Variants in NEBL observed in about 807,000 individuals in gnomAD.
NEBL encodes the protein LIM and SH3 protein 2.
NEBL carries 122 observed loss-of-function variants against 140.2 expected under a neutral mutation model. The observed-to-expected ratio is 0.87, with a 90% CI of 0.75 to 1.01. The LOEUF (loss-of-function observed/expected upper bound fraction) is 1.01, where lower values mean the gene tolerates loss of function less well. Among genes scored for constraint, NEBL ranks in the 50% least tolerant of loss-of-function variants. NEBL has a pLI of 0.00. For synonymous variants in NEBL, 436 were observed against 398.9 expected (o/e 1.09, Z -1.11); for missense variants, 1,365 against 1,231.3 (o/e 1.11, Z -1.62).
chr10:20,897,813 AC>A (rs1424465484), upstream of NEBL, among the ~76,000 whole-genome samples: 8 of 152,344 alleles, frequency 5.3e-5, no homozygotes, highest in East Asian at 1.5e-3. Flanking sequence ...ATTAGAGGCT[AC>A]TTATTTATTA....
At chr10:20,984,229 T>C (rs1034763558) in intron 3 of NEBL, among the ~76,000 whole-genome samples, 11 of 152,054 alleles carry the variant, frequency 7.2e-5, no homozygotes, top group Non-Finnish European at 1.2e-4. Context: ...GTATGCTACA[T>C]TGATTTCCAC....
In NEBL at chr10:20,831,507, T is replaced by C; in HGVS notation, c.1526A>G (p.Gln509Arg). 5 of 1,612,368 alleles carry C rather than the reference T, an allele frequency of 3.1e-6. No individual in the cohort carries two copies. Among genetic ancestry groups the C allele is most frequent in the Non-Finnish European group, 4.2e-6 (5 of 1,179,284 alleles). ...MQVSTDTLDV[Q>R]RAKKASEMAS... is the part of the protein sequence containing the mutation. ...CATCTCGGATGCTTTCTTAGCTCTC[T>C]GGACATCAAGAGTGTCTGTGCTCAC... Residue 509 changes from glutamine to arginine, a missense_variant, in exon 15 of 28, where the codon CAG becomes CGG. Physicochemically the swap from Gln to Arg is conservative, Grantham distance 43. This residue lies in a region of NEBL where 1,323 missense variants were observed against 1,154.8 expected (regional missense o/e 1.15). Transcript: ENST00000377122.
At chr10:21,054,004 G>C (rs902142113) in intron 2 of NEBL, among the ~76,000 whole-genome samples, 2 of 150,134 alleles carry the variant, frequency 1.3e-5, no homozygotes, top group African/African-American at 4.9e-5. Context: ...CTGCACTCCA[G>C]CCTGGGCGAC....
chr10:21,106,482 G>T (rs1242210203), intron 2 of NEBL, among the ~76,000 whole-genome samples: 1 of 152,204 alleles, frequency 6.6e-6, no homozygotes, highest in Non-Finnish European at 1.5e-5. Flanking sequence ...GTTTATCAAA[G>T]ATCAGATGGT....
chr10:21,112,900 CAG>C (rs1463086610), intron 2 of NEBL: 4 of 368,404 alleles, frequency 1.1e-5, no homozygotes, highest in African/African-American at 2.2e-5. Flanking sequence ...GAGGAAGATG[CAG>C]AGTCAGAAGA....
At chr10:20,874,772 C>T (rs537430154) in intron 5 of NEBL, among the ~76,000 whole-genome samples, 2 of 152,198 alleles carry the variant, frequency 1.3e-5, no homozygotes, top group South Asian at 4.1e-4. Context: ...TGAAGTCTTG[C>T]TATGTCACCC....
intron 2 of NEBL, chr10:21,029,047 C>A: frequency 1.1e-6 from 1 of 947,088 alleles, no homozygotes. Context: ...AACTATCTCC[C>A]TAACAGACTT....
At chr10:20,843,854 G>C (rs374317504) in intron 12 of NEBL, among the ~76,000 whole-genome samples, 3 of 151,970 alleles carry the variant, frequency 2.0e-5, no homozygotes, top group Admixed American at 6.6e-5. Flanking sequence ...CTCTCTTCTA[G>C]CTTATTAAAA....
chr10:21,244,551 C>T (rs1667140820), intron 3 of NEBL, among the ~76,000 whole-genome samples: 2 of 151,594 alleles, frequency 1.3e-5, no homozygotes, highest in African/African-American at 4.8e-5. Context: ...GCTTGGAAGG[C>T]TGAGACAGGA....
At chr10:21,221,431 G>A (rs116695182) in intron 3 of NEBL, among the ~76,000 whole-genome samples, 295 of 152,280 alleles carry the variant, frequency 1.9e-3, no homozygotes, top group Middle Eastern at 6.8e-3. Flanking sequence ...ACACACGTAA[G>A]TCAGCCTTCA....
chr10:21,195,257 T>C lies in NEBL; in HGVS notation n.349-22780A>G, dbSNP rs553358417. ...CTTCAAATTTTTGGAGAGACATCAC[T>C]CAACAAGACTAAACCACAAGGAAGA... is the stretch of plus-strand genomic sequence containing the variant. On this transcript the variant is annotated intron_variant and non_coding_transcript_variant, in intron 3 of 8. Coordinates refer to the NEBL transcript ENST00000675702. Among the ~76,000 whole-genome samples the C allele has an allele frequency of 2.6e-5, 4 of 152,182 alleles. No homozygotes were observed. The East Asian group carries it at 7.7e-4, about 29-fold the overall frequency.
intron 4 of NEBL, among the ~76,000 whole-genome samples, chr10:20,950,708 T>C (rs2131592617): frequency 6.6e-6 from 1 of 152,314 alleles, no homozygotes; most frequent in South Asian, 2.1e-4. Context: ...TTCTGGAGGA[T>C]TTAAACATGA....
At chr10:21,102,710 G>A (rs1292903844) in intron 2 of NEBL, among the ~76,000 whole-genome samples, 1 of 152,118 alleles carries the variant, frequency 6.6e-6, no homozygotes, top group African/African-American at 2.4e-5. Flanking sequence ...ATTTAACCAT[G>A]TACCTGTTGG....
At chr10:20,808,816 A>C (rs1392751007) in intron 25 of NEBL, among the ~76,000 whole-genome samples, 157 bp from the exon 26 acceptor site, 1 of 152,240 alleles carries the variant, frequency 6.6e-6, no homozygotes, top group African/African-American at 2.4e-5. Context: ...AAACTTCAGC[A>C]TGCATTGCAT....
intron 4 of NEBL, among the ~76,000 whole-genome samples, chr10:20,957,655 C>T (rs1273108667): frequency 2.6e-5 from 4 of 152,118 alleles, no homozygotes; most frequent in Admixed American, 6.6e-5. Flanking sequence ...TACGCACACA[C>T]AGACAAGCAA....
At chr10:20,888,286 G>C (rs534178262) in intron 3 of NEBL, 79 bp from the exon 4 acceptor site, 1 of 873,108 alleles carries the variant, frequency 1.1e-6, no homozygotes, top group Non-Finnish European at 1.8e-6. Context: ...TAGAAAAGAA[G>C]AAACTTTCTC....
intron 3 of NEBL, among the ~76,000 whole-genome samples, chr10:20,993,480 G>C (rs867097508): frequency 2.0e-5 from 3 of 152,190 alleles, no homozygotes; most frequent in Admixed American, 6.5e-5. Flanking sequence ...TACAATAATA[G>C]GCATTCACGC....
At chr10:21,145,570 T>C (rs1839853707) in intron 2 of NEBL, among the ~76,000 whole-genome samples, 1 of 152,226 alleles carries the variant, frequency 6.6e-6, no homozygotes, top group African/African-American at 2.4e-5. Context: ...CTTTACATAA[T>C]CTATCTCCTC....
chr10:20,967,942 T>C (rs1382984088), intron 3 of NEBL, among the ~76,000 whole-genome samples: 1 of 152,238 alleles, frequency 6.6e-6, no homozygotes, highest in Non-Finnish European at 1.5e-5. Context: ...ACCCAGAGAT[T>C]AGACAAAAAA....
Sources: gnomAD v4.1 joint callset for allele counts (sites outside exome capture counted in the v4.1 genomes callset) on GRCh38, gnomAD v4.1.1 for gene constraint, gnomAD v4.1.1 regional missense constraint, MANE v1.5 for transcripts, NCBI Gene and HGNC (gene_info 2026-07-23, HGNC 2026-07-21) for gene names.